Variants in TSNARE1 observed in about 807,000 individuals in gnomAD.
TSNARE1 encodes t-SNARE domain containing 1.
Under a neutral mutation model 62.0 loss-of-function variants are expected in TSNARE1, and 49 were observed. That is an observed-to-expected ratio of 0.79 (90% CI 0.63 to 1.00). TSNARE1 has a LOEUF of 1.00. Ranked by LOEUF, TSNARE1 falls within the 50% of genes least tolerant of loss-of-function variation. TSNARE1 has a pLI of 0.00. For synonymous variants in TSNARE1, 328 were observed against 294.4 expected, an observed-to-expected ratio of 1.11 and a Z score of -1.17; for missense variants, 755 against 700.1, an observed-to-expected ratio of 1.08 and a Z score of -0.88.
In TSNARE1 at chr8:142,291,272, G is replaced by A. The variant is rs1823698138; in HGVS notation, c.1291-6787C>T. Among the ~76,000 whole-genome samples, 2 of 151,910 alleles carry A rather than the reference G, an allele frequency of 1.3e-5. No homozygotes were observed. The highest frequency in any genetic ancestry group is 6.6e-5 in the Admixed American group (1 of 15,252). The stretch of plus-strand genomic sequence containing the variant: ...AGCATCGCGGTGAGGATGGCCTTGT[G>A]CTGGAGTAGGGCACCTGGGCTCGAA... On this transcript the variant is annotated intron_variant, in intron 10 of 13. Transcript: ENST00000524325. The surrounding 1 kb of genome is among the most constrained non-coding windows in gnomAD (Gnocchi z 4.8).
chr8:142,254,575 C>A (rs1463863761), intron 12 of TSNARE1, among the ~76,000 whole-genome samples: 4 of 152,180 alleles, frequency 2.6e-5, no homozygotes, highest in African/African-American at 9.7e-5. Flanking sequence ...CCTTCTCTGG[C>A]TCATCCCCCT....
At chr8:142,379,859 C>T (rs540466547) in intron 1 of TSNARE1, among the ~76,000 whole-genome samples, 1 of 152,208 alleles carries the variant, frequency 6.6e-6, no homozygotes, top group Non-Finnish European at 1.5e-5. Context: ...CCTAGATCTA[C>T]AGCCTTCAGC....
At chr8:142,261,468 C>G (rs1371166524) in intron 12 of TSNARE1, among the ~76,000 whole-genome samples, 1 of 151,722 alleles carries the variant, frequency 6.6e-6, no homozygotes, top group Admixed American at 6.6e-5. Context: ...TGGTGAACAC[C>G]TGCTGGGAAC....
intron 1 of TSNARE1, among the ~76,000 whole-genome samples, chr8:142,391,180 T>C (rs1298147376): frequency 6.9e-6 from 1 of 145,494 alleles, no homozygotes; most frequent in Non-Finnish European, 1.5e-5. Flanking sequence ...ACAGACGCTG[T>C]ACACTGCTGG....
At chr8:142,267,728 C>A (rs1361883519) in intron 12 of TSNARE1, among the ~76,000 whole-genome samples, 1 of 152,188 alleles carries the variant, frequency 6.6e-6, no homozygotes, top group Non-Finnish European at 1.5e-5. Context: ...CCACAGAATG[C>A]CACATCCTAT....
intron 1 of TSNARE1, among the ~76,000 whole-genome samples, chr8:142,358,013 G>C (rs1453894014): frequency 8.1e-5 from 10 of 123,446 alleles, no homozygotes; most frequent in African/African-American, 2.3e-4. Flanking sequence ...GCAAAGGGCG[G>C]CGGGGTCTGC....
At chr8:142,277,291 G>C in intron 11 of TSNARE1, 4 of 985,414 alleles carry the variant, frequency 4.1e-6, no homozygotes, top group Non-Finnish European at 4.8e-6. Flanking sequence ...AGAGAGAGCA[G>C]CCTTTGGGAC....
At chr8:142,240,396 G>T (rs1817624032) in intron 12 of TSNARE1, among the ~76,000 whole-genome samples, 1 of 152,164 alleles carries the variant, frequency 6.6e-6, no homozygotes, top group Non-Finnish European at 1.5e-5. Flanking sequence ...TCCACCAGTG[G>T]GGTAGGAGAT....
At chr8:142,405,415 C>G (rs1378328037), upstream of TSNARE1, 3 of 152,138 alleles carry the variant, frequency 2.0e-5, no homozygotes, top group Non-Finnish European at 4.4e-5. Context: ...GTGGGATTGG[C>G]CCCAGGACGC....
intron 1 of TSNARE1, among the ~76,000 whole-genome samples, chr8:142,389,542 T>C (rs1481832027): frequency 6.6e-6 from 1 of 152,110 alleles, no homozygotes; most frequent in Non-Finnish European, 1.5e-5. Flanking sequence ...CATTTTGTAA[T>C]AGGAAAAGAT....
chr8:142,274,322 G>A, intron 12 of TSNARE1: 8 of 985,418 alleles, frequency 8.1e-6, no homozygotes, highest in Non-Finnish European at 9.6e-6. Flanking sequence ...TAGTCCTCAA[G>A]GTAGCTCCAA....
At position 142,284,422 on chromosome 8, in the gene TSNARE1, C is replaced by T; in HGVS notation, c.1354G>A (p.Glu452Lys). ...DLASMVSEQG[E>K]AVDSIEASLE... is the part of the protein sequence containing the mutation. ...TGGGGCGGGTACCCACCAACAGCTT[C>T]TCCTTGCTCTGACACCATGGAGGCC... is the stretch of plus-strand genomic sequence containing the variant. Residue 452 changes from glutamate (E) to lysine (K), a missense_variant, in exon 11 of 14, where the codon GAA becomes AAA. By Grantham distance (56) the Glu-to-Lys change is moderately conservative. Coordinates refer to ENST00000524325, the MANE Select transcript of TSNARE1 (RefSeq NM_145003.5). 1 of 1,613,428 alleles carries T rather than the reference C, an allele frequency of 6.2e-7. No individual in the cohort carries two copies. Among genetic ancestry groups the T allele is most frequent in the Non-Finnish European group, 8.5e-7 (1 of 1,179,914 alleles).
intron 12 of TSNARE1, among the ~76,000 whole-genome samples, chr8:142,268,695 C>T (rs1425833554): frequency 1.3e-5 from 2 of 152,216 alleles, no homozygotes; most frequent in African/African-American, 4.8e-5. Flanking sequence ...GGCTGAGATG[C>T]AGGCAGAGAT....
intron 4 of TSNARE1, among the ~76,000 whole-genome samples, chr8:142,334,996 A>G (rs953805552): frequency 7.2e-5 from 11 of 152,236 alleles, no homozygotes; most frequent in Non-Finnish European, 1.6e-4. Flanking sequence ...GAATTAAAGA[A>G]CGCCAGAATG....
rs11985688 is a variant in TSNARE1, at chr8:142,360,025, A to G, written c.-39-5262T>C. ...GGTGCAGGGAAGGGCTGTGCCACAG[A>G]AGCCAGGAAGGCAGCCGGGCACTGT... On this transcript the variant is annotated intron_variant, in intron 1 of 13. Transcript: ENST00000524325. 6.0e-3 allele frequency among the ~76,000 whole-genome samples: 916 copies of G among 152,354 alleles called. 9 individuals are homozygous for G. The highest frequency in any genetic ancestry group is 0.021 in the African/African-American group (859 of 41,582).
At chr8:142,223,070 GC>G (rs1816515565) in intron 13 of TSNARE1, among the ~76,000 whole-genome samples, 6 of 81,914 alleles carry the variant, frequency 7.3e-5, no homozygotes, top group Admixed American at 1.2e-4. Context: ...TCACTTACTC[GC>G]TCATACTCAT....
chr8:142,399,116 C>T (rs925057940), intron 1 of TSNARE1, among the ~76,000 whole-genome samples: 6 of 152,254 alleles, frequency 3.9e-5, no homozygotes, highest in Non-Finnish European at 7.3e-5. Context: ...GCCCATAAGG[C>T]ATCTTCAGAA....
At chr8:142,274,370 T>C in intron 12 of TSNARE1, 1 of 985,406 alleles carries the variant, frequency 1.0e-6, no homozygotes, top group Non-Finnish European at 1.2e-6. Flanking sequence ...AGCTTTCTTG[T>C]TCCCTCTGAG....
chr8:142,268,584 C>T (rs1298747671), intron 12 of TSNARE1, among the ~76,000 whole-genome samples: 10 of 152,242 alleles, frequency 6.6e-5, no homozygotes, highest in Admixed American at 6.5e-4. Flanking sequence ...AGCATCCAGT[C>T]CCTTCCGTCT....
Sources: allele counts gnomAD v4.1 joint callset (sites outside exome capture counted in the v4.1 genomes callset), GRCh38; gene constraint gnomAD v4.1.1; non-coding constraint Gnocchi (gnomAD v3.1); transcripts MANE v1.5; gene names NCBI Gene and HGNC (gene_info 2026-07-23, HGNC 2026-07-21).